IL1RAPL1: variants seen among roughly 807,000 people sequenced by gnomAD.
IL1RAPL1 encodes the protein interleukin 1 receptor accessory protein like 1, also known as interleukin-1 receptor accessory protein-like 1.
Under a neutral mutation model 48.4 loss-of-function variants are expected in IL1RAPL1, and 3 were observed. That is an observed-to-expected ratio of 0.06 (90% CI 0.03 to 0.16). The LOEUF (loss-of-function observed/expected upper bound fraction) is 0.16. IL1RAPL1 is among the 10% of genes least tolerant of loss of function. The pLI, the probability that IL1RAPL1 is intolerant of heterozygous loss-of-function variation, is 1.00. For synonymous variants in IL1RAPL1, 185 were observed against 187.7 expected (o/e 0.99, Z 0.12); for missense variants, 349 against 530.6 (o/e 0.66, Z 3.36).
intron 5 of IL1RAPL1, among the ~76,000 whole-genome samples, chrX:29,570,156 T>C (rs1055308901): frequency 6.3e-5 from 7 of 111,808 alleles, no homozygotes; most frequent in African/African-American, 2.0e-4. Flanking sequence ...TCAGGAACTG[T>C]GAGATTTACA....
Position 29,631,795 on chromosome X carries a change from A to AAAT in IL1RAPL1, c.704-36620_704-36618dup, listed in dbSNP as rs750171487. On this transcript the variant is annotated intron_variant, in intron 5 of 10. Transcript: ENST00000378993. ...GGGTGACACAGCAAGACTCTGTCTC[A>AAAT]AATAATAATAATAATAAAATAGTTC... 6.6e-3 allele frequency among the ~76,000 whole-genome samples: 734 copies of AAAT among 110,547 alleles called. 7 individuals are homozygous for AAAT. The highest frequency in any genetic ancestry group is 0.023 in the African/African-American group (703 of 30,348).
At chrX:28,855,239 C>T (rs1032910103) in intron 2 of IL1RAPL1, among the ~76,000 whole-genome samples, 3 of 110,934 alleles carry the variant, frequency 2.7e-5, no homozygotes, top group Non-Finnish European at 3.8e-5. Context: ...AGGCTGGTCT[C>T]GAACTCCTGA....
rs767608775 is a variant in IL1RAPL1 at position 29,609,683 on chromosome X, A to G, written c.704-58747A>G. Among the ~76,000 whole-genome samples the G allele has an allele frequency of 2.6e-3, 288 of 112,495 alleles. 3 individuals are homozygous for G. The highest frequency in any genetic ancestry group is 8.8e-3 in the African/African-American group (273 of 31,016). The stretch of plus-strand genomic sequence containing the variant: ...GTAACAAAGTCTTCTGGAATGCATC[A>G]ATATAATTAGTCAAAAATAAATGTT... On this transcript the variant is annotated intron_variant, in intron 5 of 10. Coordinates refer to ENST00000378993, the MANE Select transcript of IL1RAPL1 (RefSeq NM_014271.4).
chrX:29,333,052 C>T (rs1171579180), intron 3 of IL1RAPL1, among the ~76,000 whole-genome samples: 1 of 112,443 alleles, frequency 8.9e-6, no homozygotes, highest in Non-Finnish European at 1.9e-5. Flanking sequence ...TACTTCTATC[C>T]ACACAGACCC....
At chrX:29,327,405 T>C (rs1260930462) in intron 3 of IL1RAPL1, among the ~76,000 whole-genome samples, 1 of 107,993 alleles carries the variant, frequency 9.3e-6, no homozygotes, top group Non-Finnish European at 1.9e-5. Context: ...TCAGTTACTT[T>C]ATTAGCTCTT....
intron 5 of IL1RAPL1, among the ~76,000 whole-genome samples, chrX:29,486,698 GATCA>G (rs1250390430): frequency 7.5e-5 from 8 of 106,122 alleles, no homozygotes; most frequent in Non-Finnish European, 1.2e-4. Context: ...ATGGATAAGT[GATCA>G]GAAGTTCAGA....
intron 2 of IL1RAPL1, among the ~76,000 whole-genome samples, chrX:28,932,819 T>C (rs1923921296): frequency 9.1e-6 from 1 of 110,451 alleles, no homozygotes. Flanking sequence ...CTAAATAATA[T>C]CCTACACATT....
At chrX:28,934,958 C>T (rs1201469822) in intron 2 of IL1RAPL1, among the ~76,000 whole-genome samples, 1 of 111,104 alleles carries the variant, frequency 9.0e-6, no homozygotes. Flanking sequence ...GAGGATGCAC[C>T]ATTTTATATT....
intron 1 of IL1RAPL1, among the ~76,000 whole-genome samples, chrX:28,756,074 T>C (rs1479096291): frequency 8.9e-6 from 1 of 111,787 alleles, no homozygotes; most frequent in Non-Finnish European, 1.9e-5. Flanking sequence ...TCTTCCTCTA[T>C]TTATTTAATC....
At chrX:29,913,577 C>T (rs1216540719) in intron 6 of IL1RAPL1, among the ~76,000 whole-genome samples, 1 of 110,847 alleles carries the variant, frequency 9.0e-6, no homozygotes, top group African/African-American at 3.3e-5. Flanking sequence ...ACTGCTACCA[C>T]CTATGCTTTA....
chrX:29,343,934 G>C (rs1933116073), intron 3 of IL1RAPL1, among the ~76,000 whole-genome samples: 1 of 111,659 alleles, frequency 9.0e-6, no homozygotes, highest in South Asian at 3.7e-4. Context: ...GAGCAAGGGA[G>C]GAATTCCGCA....
At chrX:29,606,582 A>G (rs906452447) in intron 5 of IL1RAPL1, among the ~76,000 whole-genome samples, 1 of 112,129 alleles carries the variant, frequency 8.9e-6, no homozygotes, top group Non-Finnish European at 1.9e-5. Flanking sequence ...TTGGTCATCC[A>G]TGAATAAACA....
intron 2 of IL1RAPL1, among the ~76,000 whole-genome samples, chrX:29,153,229 C>T (rs1028999583): frequency 1.8e-5 from 2 of 111,585 alleles, no homozygotes; most frequent in Non-Finnish European, 3.8e-5. Context: ...CTTGCGATTA[C>T]ACTGGGCTCA....
At chrX:29,223,507 A>G (rs1931021876) in intron 2 of IL1RAPL1, among the ~76,000 whole-genome samples, 1 of 110,709 alleles carries the variant, frequency 9.0e-6, no homozygotes, top group African/African-American at 3.3e-5. Flanking sequence ...AAGTGTCAAT[A>G]AAGAATTACA....
At chrX:28,799,006 C>T (rs989905604) in intron 2 of IL1RAPL1, among the ~76,000 whole-genome samples, 4 of 111,710 alleles carry the variant, frequency 3.6e-5, no homozygotes, top group African/African-American at 1.3e-4. Context: ...GTGTTCCTTT[C>T]AACAAAGTAA....
intron 2 of IL1RAPL1, among the ~76,000 whole-genome samples, chrX:29,180,733 C>T (rs1019948207): frequency 3.6e-5 from 4 of 111,402 alleles, no homozygotes; most frequent in African/African-American, 1.3e-4. Flanking sequence ...TTAGGCTATT[C>T]CCTTAATTCC....
At chrX:29,660,806 G>C (rs1717246644) in intron 5 of IL1RAPL1, among the ~76,000 whole-genome samples, 1 of 111,811 alleles carries the variant, frequency 8.9e-6, no homozygotes, top group African/African-American at 3.2e-5. Flanking sequence ...GATTGCTTTG[G>C]CTCCTTGGGC....
Position 29,136,879 on chromosome X carries a change from T to A in IL1RAPL1, c.83-146059T>A, listed in dbSNP as rs146295096. Among the ~76,000 whole-genome samples, 116 of 111,578 alleles carry A rather than the reference T, an allele frequency of 1.0e-3. 1 individual carries two copies. Among genetic ancestry groups the A allele is most frequent in the African/African-American group, 3.6e-3 (112 of 30,764 alleles). On this transcript the variant is annotated intron_variant, in intron 2 of 10. Coordinates refer to ENST00000378993, the MANE Select transcript of IL1RAPL1 (RefSeq NM_014271.4). The stretch of plus-strand genomic sequence containing the variant: ...TATTATGAGAAAACTGAGGCAGTGA[T>A]AGGGTTGGGGCATTGGCCTAATATT...
chrX:29,012,544 C>CA (rs1325981039), intron 2 of IL1RAPL1, among the ~76,000 whole-genome samples: 29 of 108,927 alleles, frequency 2.7e-4, no homozygotes, highest in Non-Finnish European at 4.4e-4. Flanking sequence ...AGCTGTGTCT[C>CA]AAAAAAAAAT....
Sources: gnomAD v4.1 joint callset for allele counts (sites outside exome capture counted in the v4.1 genomes callset) on GRCh38, gnomAD v4.1.1 for gene constraint, MANE v1.5 for transcripts, NCBI Gene and HGNC (gene_info 2026-07-23, HGNC 2026-07-21) for gene names.